SCN7A: variants seen among roughly 807,000 people sequenced by gnomAD.
SCN7A encodes the protein sodium voltage-gated channel alpha subunit 7.
A neutral mutation model predicts 155.2 loss-of-function variants in SCN7A; 138 were observed. The observed-to-expected ratio is 0.89, with a 90% CI of 0.77 to 1.02. The LOEUF (loss-of-function observed/expected upper bound fraction) is 1.02. Ranked by LOEUF, SCN7A falls within the 50% of genes least tolerant of loss-of-function variation. The probability of loss-of-function intolerance (pLI) is 0.00; values close to 1 mark genes in which losing one functional copy is unlikely to be tolerated. For synonymous variants in SCN7A, 693 were observed against 649.0 expected (o/e 1.07, Z -1.03); for missense variants, 2,058 against 1,986.6 (o/e 1.04, Z -0.68).
Position 166,456,863 on chromosome 2 carries a change from T to C in SCN7A, c.1290+7A>G, listed in dbSNP as rs376163498. Reference sequence around the variant, plus strand: ...AGATAGATAGATAGATAGATAGATATAGATACCTCATCTGTTTCATTTCCT... The same window carrying C: ...AGATAGATAGATAGATAGATAGATACAGATACCTCATCTGTTTCATTTCCT... On this transcript the variant is annotated splice_region_variant and intron_variant, in intron 11 of 25. Coordinates refer to ENST00000643258, the MANE Select transcript of SCN7A (RefSeq NM_002976.4). 6 of 1,439,470 alleles carry C rather than the reference T, an allele frequency of 4.2e-6. No homozygotes were observed. In the African/African-American group the frequency reaches 5.8e-5, roughly 14 times the overall value. The allele number at this position is 1,439,470 out of a possible 1,614,324, so 89.2% of individuals were successfully genotyped here.
intron 10 of SCN7A, among the ~76,000 whole-genome samples, chr2:166,458,312 G>C (rs1321328593): frequency 6.8e-6 from 1 of 147,308 alleles, no homozygotes; most frequent in Non-Finnish European, 1.5e-5. Context: ...CTGGGTGACA[G>C]AGTGACCATG....
At chr2:166,415,224 T>C (rs1701348760) in intron 21 of SCN7A, among the ~76,000 whole-genome samples, 1 of 105,108 alleles carries the variant, frequency 9.5e-6, no homozygotes, top group South Asian at 3.1e-4. Flanking sequence ...CTTTTGTCTC[T>C]TTTTTTTTTT....
intron 14 of SCN7A, 117 bp downstream of exon 14, chr2:166,443,386 T>A: frequency 1.2e-6 from 1 of 804,196 alleles, no homozygotes; most frequent in Non-Finnish European, 1.9e-6. Flanking sequence ...TACTAATCAA[T>A]TCATTTAATG....
At chr2:166,493,421 AAAC>A (rs748289975) in intron 1 of SCN7A, among the ~76,000 whole-genome samples, 18 of 152,354 alleles carry the variant, frequency 1.2e-4, no homozygotes, top group East Asian at 1.2e-3. Flanking sequence ...AACAATGCAA[AAAC>A]AACAACAACA....
At chr2:166,418,802 T>C (rs1701446468) in intron 20 of SCN7A, among the ~76,000 whole-genome samples, 1 of 152,190 alleles carries the variant, frequency 6.6e-6, no homozygotes, top group Non-Finnish European at 1.5e-5. Context: ...ATTTGAAAAG[T>C]AGACAGCACC....
At chr2:166,415,621 A>C (rs905708453) in intron 21 of SCN7A, among the ~76,000 whole-genome samples, 5 of 152,128 alleles carry the variant, frequency 3.3e-5, no homozygotes, top group Non-Finnish European at 7.3e-5. Flanking sequence ...TAAATTGCGA[A>C]GATTTCATTT....
chr2:166,489,166 A>T (rs1683019788), intron 1 of SCN7A, among the ~76,000 whole-genome samples: 1 of 152,240 alleles, frequency 6.6e-6, no homozygotes, highest in Admixed American at 6.5e-5. Context: ...AATGAGATGG[A>T]TATGTCTGTG....
Position 166,410,220 on chromosome 2 carries a change from T to C in SCN7A, c.3711A>G (p.Leu1237=). The change falls in exon 24 of 26, where the codon TTA becomes TTG. Residue 1237 remains leucine (L), a splice_region_variant and synonymous_variant. Transcript: ENST00000643258. ...TCAAAAAATCTAGACATTTTCTTAC[T>C]AATGGGCGAGGTACTGGTCTTTGAG... ...EDSQRPVPRP[L]NKLQGFIFDV... The C allele has an allele frequency of 6.5e-7, 1 of 1,537,252 alleles. No individual in the cohort carries two copies. Among genetic ancestry groups the C allele is most frequent in the Non-Finnish European group, 8.8e-7 (1 of 1,139,358 alleles).
chr2:166,440,333 T>C (rs565010252), intron 15 of SCN7A, among the ~76,000 whole-genome samples: 2 of 152,326 alleles, frequency 1.3e-5, no homozygotes, highest in Non-Finnish European at 2.9e-5. Context: ...CAGTGTTACA[T>C]TTAAGTGCTT....
At chr2:166,464,462 T>C (rs918492021) in intron 9 of SCN7A, among the ~76,000 whole-genome samples, 2 of 152,122 alleles carry the variant, frequency 1.3e-5, no homozygotes, top group African/African-American at 4.8e-5. Context: ...GTAATTTTCA[T>C]CTGAAATTAT....
In SCN7A at chr2:166,406,610, A is replaced by T; in HGVS notation, c.4019T>A (p.Val1340Glu). Residue 1340 changes from valine (V) to glutamate (E), a missense_variant, in exon 26 of 26, where the codon GTG becomes GAG. Physicochemically the swap from Val to Glu is moderately radical, Grantham distance 121. Transcript: ENST00000643258. ...TATCAGTTGCACAAGTGAAGGAGGCACAAGGTAGGATCCTACTGTCATAGG... is the reference window on the plus strand; with the variant it reads ...TATCAGTTGCACAAGTGAAGGAGGCTCAAGGTAGGATCCTACTGTCATAGG... ...CLPMTVGSYL[V>E]PPSLVQLILL... 1 of 1,611,438 alleles carries T rather than the reference A, an allele frequency of 6.2e-7. No individual in the cohort carries two copies. The highest frequency in any genetic ancestry group is 8.5e-7 in the Non-Finnish European group (1 of 1,178,484).
At chr2:166,432,221 G>T in intron 16 of SCN7A, 97 bp downstream of exon 16, 1 of 867,130 alleles carries the variant, frequency 1.2e-6, no homozygotes, top group Non-Finnish European at 1.8e-6. Flanking sequence ...TTAGAATTGA[G>T]TGGATAATCT....
chr2:166,454,708 C>A (rs1559113141), intron 11 of SCN7A, among the ~76,000 whole-genome samples: 1 of 152,026 alleles, frequency 6.6e-6, no homozygotes, highest in African/African-American at 2.4e-5. Flanking sequence ...CAATATAGAC[C>A]TTTTTCCCAT....
chr2:166,436,412 ATT>A (rs1319822947), intron 15 of SCN7A: 1 of 442,944 alleles, frequency 2.3e-6, no homozygotes, highest in African/African-American at 2.0e-5. Flanking sequence ...TTCCACCGTG[ATT>A]GTAAGTTTCC....
intron 5 of SCN7A, among the ~76,000 whole-genome samples, chr2:166,472,812 T>A (rs955570871): frequency 1.3e-5 from 2 of 151,950 alleles, no homozygotes; most frequent in Non-Finnish European, 2.9e-5. Context: ...TTGTTTTTTT[T>A]GCTTAGGATT....
intron 2 of SCN7A, among the ~76,000 whole-genome samples, chr2:166,483,225 G>A (rs901940548): frequency 4.6e-5 from 7 of 151,930 alleles, no homozygotes; most frequent in South Asian, 2.1e-4. Context: ...TCCTTGAAAC[G>A]AATTTCAAAT....
At position 166,447,692 on chromosome 2, in the gene SCN7A, A is replaced by G. The variant is rs761300940; in HGVS notation, c.1307T>C (p.Ile436Thr). 8.1e-6 allele frequency: 13 copies of G among 1,612,552 alleles called. No homozygotes were observed. The highest frequency in any genetic ancestry group is 1.1e-5 in the Non-Finnish European group (13 of 1,178,990). ...NETDEAKTIQ[I>T]EMKKRSPIST... ...AATTGGTGACCTTTTCTTCATTTCT[A>G]TTTGTATGGTCTTGGCCTGAAAAGG... Residue 436 changes from isoleucine to threonine, a missense_variant, in exon 12 of 26, where the codon ATA becomes ACA. Coordinates refer to ENST00000643258, the MANE Select transcript of SCN7A (RefSeq NM_002976.4).
chr2:166,435,299 T>C (rs1243808090), intron 15 of SCN7A, among the ~76,000 whole-genome samples: 2 of 152,066 alleles, frequency 1.3e-5, no homozygotes, highest in Admixed American at 1.3e-4. Flanking sequence ...TACTTCTAAT[T>C]TGAGCATTAA....
intron 2 of SCN7A, among the ~76,000 whole-genome samples, chr2:166,479,206 A>AT (rs1229762400): frequency 6.6e-6 from 1 of 152,116 alleles, no homozygotes; most frequent in African/African-American, 2.4e-5. Flanking sequence ...CTACTTCAGA[A>AT]TTTTTCACTG....
Sources: allele counts gnomAD v4.1 joint callset (sites outside exome capture counted in the v4.1 genomes callset), GRCh38; gene constraint gnomAD v4.1.1; transcripts MANE v1.5; gene names NCBI Gene and HGNC (gene_info 2026-07-23, HGNC 2026-07-21).